The following BRD3 variants were observed in gnomAD, a reference collection of about 807,000 sequenced individuals.
BRD3 encodes the protein bromodomain containing 3.
BRD3 carries 17 observed loss-of-function variants against 66.8 expected under a neutral mutation model. The ratio of observed to expected loss-of-function variants is 0.25; its 90% CI spans 0.17 to 0.38. BRD3 has a LOEUF of 0.38. Among genes scored for constraint, BRD3 ranks in the 10% least tolerant of loss-of-function variants. BRD3 has a pLI of 1.00. For missense variants in BRD3, 713 were observed against 956.1 expected (o/e 0.75, Z 3.35); for synonymous variants, 421 against 393.2 (o/e 1.07, Z -0.84).
At chr9:134,067,313 G>C (rs1830681854) in intron 1 of BRD3, among the ~76,000 whole-genome samples, 2 of 151,060 alleles carry the variant, frequency 1.3e-5, no homozygotes, top group African/African-American at 2.4e-5. Flanking sequence ...GTAACTCTGG[G>C]AGGAGGCCGC....
chr9:134,054,883 AC>A (rs34294617), intron 1 of BRD3, among the ~76,000 whole-genome samples: 8,020 of 151,592 alleles, frequency 0.053, 624 homozygotes, highest in African/African-American at 0.17. Context: ...CTCCCACCCC[AC>A]CCCAGAGAGG....
intron 8 of BRD3, among the ~76,000 whole-genome samples, chr9:134,040,963 CCCTG>C (rs1830033629): frequency 6.6e-6 from 1 of 152,196 alleles, no homozygotes; most frequent in African/African-American, 2.4e-5. Context: ...CACGGCCTGT[CCCTG>C]CCTCTGGGTG....
At chr9:134,062,722 C>T (rs1830571159) in intron 1 of BRD3, among the ~76,000 whole-genome samples, 2 of 152,204 alleles carry the variant, frequency 1.3e-5, no homozygotes, top group African/African-American at 2.4e-5. Flanking sequence ...ATGCTGGGAA[C>T]GAGGAAGTTG....
intron 1 of BRD3, among the ~76,000 whole-genome samples, chr9:134,061,290 G>T (rs577337422): frequency 6.6e-6 from 1 of 152,356 alleles, no homozygotes; most frequent in African/African-American, 2.4e-5. Flanking sequence ...CCTGGCCTGG[G>T]CCCAGAGCAA....
Position 134,034,709 on chromosome 9 carries a change from G to C in BRD3, c.2057C>G (p.Ala686Gly), listed in dbSNP as rs746980947. The C allele has an allele frequency of 7.5e-6, 12 of 1,604,860 alleles. No individual in the cohort carries two copies. The highest frequency in any genetic ancestry group is 9.3e-6 in the Non-Finnish European group (11 of 1,179,928). ...GCGGCCGCCAGCGGTACCTTTCCGG[G>C]CGGGCTTCTTGCTGCTGCTCAGCTG... is the stretch of plus-strand genomic sequence containing the variant. Reference protein sequence around the residue: ...SGQLSSSKKPARKEKPGSAPS... With the variant: ...SGQLSSSKKPGRKEKPGSAPS... Residue 686 changes from alanine to glycine, a missense_variant, in exon 11 of 12, where the codon GCC becomes GGC. Physicochemically the swap from Ala to Gly is moderately conservative, Grantham distance 60. This residue lies in a region of BRD3 where 42 missense variants were observed against 29.2 expected (regional missense o/e 1.44). Coordinates refer to ENST00000303407, the MANE Select transcript of BRD3 (RefSeq NM_007371.4).
intron 1 of BRD3, among the ~76,000 whole-genome samples, chr9:134,063,590 G>A (rs1830587648): frequency 6.6e-6 from 1 of 152,152 alleles, no homozygotes; most frequent in Non-Finnish European, 1.5e-5. Flanking sequence ...CAGGGGCCGG[G>A]CACCTCACAC....
chr9:134,052,438 A>G lies in BRD3; in HGVS notation c.219T>C (p.Tyr73=), dbSNP rs781693691. The stretch of plus-strand genomic sequence containing the variant: ...CCATTGGGTTTTTAATTATTTTATG[A>G]TAATCCTAGGAAAGAGATTTTCAGA... ...VDAIKLNLPD[Y]HKIIKNPMDM... The change falls in exon 3 of 12, where the codon TAT becomes TAC. Residue 73 remains tyrosine, a synonymous_variant. Transcript: ENST00000303407. 2.9e-5 allele frequency: 47 copies of G among 1,601,212 alleles called. No individual in the cohort carries two copies. Among genetic ancestry groups the G allele is most frequent in the Non-Finnish European group, 3.8e-5 (45 of 1,176,508 alleles).
chr9:134,051,455 C>T (rs533565078), intron 4 of BRD3, 107 bp downstream of exon 4: 9 of 1,254,412 alleles, frequency 7.2e-6, no homozygotes, highest in Admixed American at 3.3e-5. Context: ...GAGCTCGTCA[C>T]GACAGATGGG....
intron 3 of BRD3, 144 bp from the exon 4 acceptor site, chr9:134,051,853 G>A (rs1470492531): frequency 1.4e-5 from 8 of 552,818 alleles, no homozygotes; most frequent in East Asian, 4.2e-5. Flanking sequence ...ATATATGTGT[G>A]TGTGTGTGTG....
chr9:134,046,381 A>G (rs1242674355), intron 6 of BRD3, among the ~76,000 whole-genome samples: 2 of 152,174 alleles, frequency 1.3e-5, no homozygotes, highest in Non-Finnish European at 2.9e-5. Context: ...CGACACACGC[A>G]AGGGCAAGGC....
Position 134,041,808 on chromosome 9 carries a change from C to T in BRD3, c.1359G>A (p.Ser453=), listed in dbSNP as rs139002716. The T allele has an allele frequency of 1.9e-5, 31 of 1,612,572 alleles. No individual in the cohort carries two copies. Among genetic ancestry groups the T allele is most frequent in the African/African-American group, 4.0e-5 (3 of 74,930 alleles). The change falls in exon 8 of 12, where the codon TCG becomes TCA. Residue 453 remains serine, a synonymous_variant. Coordinates refer to ENST00000303407, the MANE Select transcript of BRD3 (RefSeq NM_007371.4). ...SEESSSDSGS[S]DSEEERATRL... is the part of the protein sequence containing the mutation. ...TGGTGGCCCGCTCCTCCTCCGAGTC[C>T]GAGCTGCCTGAGTCCGAAGAGCTCT...
intron 1 of BRD3, among the ~76,000 whole-genome samples, chr9:134,060,249 A>G (rs1362295311): frequency 6.6e-6 from 1 of 152,164 alleles, no homozygotes; most frequent in African/African-American, 2.4e-5. Context: ...AAACCACAAA[A>G]GTCCTCGAAC....
intron 8 of BRD3, 23 bp from the exon 9 acceptor site, chr9:134,040,292 G>A: frequency 1.9e-6 from 3 of 1,580,828 alleles, no homozygotes; most frequent in Non-Finnish European, 2.6e-6. Context: ...GGGCGGCTGA[G>A]CAGGTGCTGG....
intron 4 of BRD3, 29 bp downstream of exon 4, chr9:134,051,533 A>T (rs200899231): frequency 1.4e-4 from 214 of 1,502,766 alleles, no homozygotes; most frequent in Non-Finnish European, 1.8e-4. Context: ...AGAGAGGCCC[A>T]GCCCCTCGCC....
At chr9:134,037,825 GA>G (rs1829958111) in intron 9 of BRD3, among the ~76,000 whole-genome samples, 1 of 151,998 alleles carries the variant, frequency 6.6e-6, no homozygotes, top group Admixed American at 6.6e-5. Flanking sequence ...TATCAGGAAT[GA>G]AAAAGACACA....
Position 134,053,483 on chromosome 9 carries a change from G to A in BRD3, c.-6C>T, listed in dbSNP as rs199553332. On this transcript the variant is annotated 5_prime_UTR_variant, in exon 2 of 12. Coordinates refer to ENST00000303407, the MANE Select transcript of BRD3 (RefSeq NM_007371.4). Reference sequence around the variant, plus strand: ...ACTGTCGTGGCGGTGGACATCCTCCGGCAGCTCACTCACTTTCTGTCACAG... The same window carrying A: ...ACTGTCGTGGCGGTGGACATCCTCCAGCAGCTCACTCACTTTCTGTCACAG... The A allele has an allele frequency of 5.4e-4, 855 of 1,584,782 alleles. 12 individuals carry two copies. The East Asian group carries it at 0.017, about 32-fold the overall frequency.
At chr9:134,052,025 G>A (rs934807148) in intron 3 of BRD3, among the ~76,000 whole-genome samples, 2 of 151,870 alleles carry the variant, frequency 1.3e-5, no homozygotes, top group Non-Finnish European at 2.9e-5. Flanking sequence ...CGAGTAGCTG[G>A]GATTACAGGT....
chr9:134,068,175 C>T (rs1163680527), upstream of BRD3, among the ~76,000 whole-genome samples: 6 of 144,316 alleles, frequency 4.2e-5, no homozygotes, highest in African/African-American at 7.4e-5. Context: ...CCGCGCCCCG[C>T]CCCGGGGGCC....
chr9:134,034,797 T>C lies in BRD3; in HGVS notation c.1969A>G (p.Lys657Glu). 6.2e-7 allele frequency: 1 copy of C among 1,612,370 alleles called. No homozygotes were observed. Among genetic ancestry groups the C allele is most frequent in the East Asian group, 2.2e-5 (1 of 44,878 alleles). ...TTCTTTTCCTGAGCTAGCTCCTCTTTCGACTTGGCTGCCTGTTTCTTCCCG... is the reference window on the plus strand; with the variant it reads ...TTCTTTTCCTGAGCTAGCTCCTCTTCCGACTTGGCTGCCTGTTTCTTCCCG... ...ASGKKQAAKS[K>E]EELAQEKKKE... The change falls in exon 11 of 12, where the codon AAA (lysine) becomes GAA (glutamate). Residue 657 changes from lysine (K) to glutamate (E), a missense_variant. Physicochemically the swap from Lys to Glu is moderately conservative, Grantham distance 56. Coordinates refer to ENST00000303407, the MANE Select transcript of BRD3 (RefSeq NM_007371.4).
Sources: gnomAD v4.1 joint callset for allele counts (sites outside exome capture counted in the v4.1 genomes callset) on GRCh38, gnomAD v4.1.1 for gene constraint, gnomAD v4.1.1 regional missense constraint, MANE v1.5 for transcripts, NCBI Gene and HGNC (gene_info 2026-07-23, HGNC 2026-07-21) for gene names.